Variants in PRRT1 observed in about 807,000 individuals in gnomAD.
The protein encoded by PRRT1 is proline rich transmembrane protein 1.
PRRT1 carries 8 observed loss-of-function variants against 22.6 expected under a neutral mutation model. The observed-to-expected ratio is 0.35, with a 90% CI of 0.21 to 0.64. The LOEUF (loss-of-function observed/expected upper bound fraction) is 0.64. Ranked by LOEUF, PRRT1 falls within the 30% of genes least tolerant of loss-of-function variation. The probability of loss-of-function intolerance (pLI) is 0.69; values close to 1 mark genes in which losing one functional copy is unlikely to be tolerated. For missense variants in PRRT1, 315 were observed against 444.5 expected (o/e 0.71, Z 2.62); for synonymous variants, 176 against 203.6 (o/e 0.86, Z 1.15).
Position 32,149,216 on chromosome 6 carries a change from G to A in PRRT1, c.*6C>T. The A allele has an allele frequency of 6.2e-7, 1 of 1,611,312 alleles. No homozygotes were observed. The highest frequency in any genetic ancestry group is 1.1e-5 in the South Asian group (1 of 90,304). On this transcript the variant is annotated 3_prime_UTR_variant, in exon 4 of 4. Coordinates refer to ENST00000211413, the MANE Select transcript of PRRT1 (RefSeq NM_030651.4). The surrounding 1 kb of genome is among the most constrained non-coding windows in gnomAD (Gnocchi z 8.7). Reference sequence around the variant, plus strand: ...GGCGCAGAGTGGGGCCGGACCAGGGGCGTTTTTAGGGATCCCAGTAGTTCT... The same window carrying A: ...GGCGCAGAGTGGGGCCGGACCAGGGACGTTTTTAGGGATCCCAGTAGTTCT...
intron 1 of PRRT1, chr6:32,151,333 G>A: frequency 2.3e-6 from 1 of 430,646 alleles, no homozygotes; most frequent in Non-Finnish European, 4.3e-6. Context: ...GGGATGACAT[G>A]TGTTCCACTC....
At position 32,149,848 on chromosome 6, in the gene PRRT1, C is replaced by T; in HGVS notation, c.559-126G>A. ...CCTATGGCTTCTCAAAATAAAGCAC[C>T]CATTACCCTTCCAGGACACCCATAA... On this transcript the variant is annotated intron_variant, in intron 2 of 3. Transcript: ENST00000211413. This position sits in a 1 kb window ranked among gnomAD's most constrained non-coding sequence, Gnocchi z 8.7. 1 of 625,858 alleles carries T rather than the reference C, an allele frequency of 1.6e-6. No individual in the cohort carries two copies. Among genetic ancestry groups the T allele is most frequent in the South Asian group, 2.0e-5 (1 of 50,604 alleles). 38.8% of individuals were successfully genotyped at this position (625,858 alleles called of 1,614,324 possible). A position where few individuals can be genotyped will look rare whatever the true frequency, so the allele number is the denominator to read the frequency against.
upstream of PRRT1, chr6:32,151,964 C>CGGGG (rs1302224881): frequency 9.3e-6 from 1 of 107,884 alleles, no homozygotes; most frequent in South Asian, 4.8e-5. Context: ...GGGGGGGGGG[C>CGGGG]GGGGGGGGCG....
intron 1 of PRRT1, 173 bp from the exon 2 acceptor site, chr6:32,151,079 A>G (rs911392951): frequency 2.8e-6 from 2 of 714,414 alleles, no homozygotes; most frequent in Non-Finnish European, 5.0e-6. Flanking sequence ...GAGGGGCTGT[A>G]TCTAGGCCAT....
In PRRT1 at chr6:32,149,791, C is replaced by T; in HGVS notation, c.559-69G>A. On this transcript the variant is annotated intron_variant, in intron 2 of 3. Coordinates refer to ENST00000211413, the MANE Select transcript of PRRT1 (RefSeq NM_030651.4). This position sits in a 1 kb window ranked among gnomAD's most constrained non-coding sequence, Gnocchi z 8.7. ...CTCCCAGCCTACCAGCGTTGGGCGG[C>T]TGGCAGAGTGGCTTTAAAAGCACAA... The T allele has an allele frequency of 9.3e-7, 1 of 1,071,796 alleles. No individual in the cohort carries two copies. Among genetic ancestry groups the T allele is most frequent in the Non-Finnish European group, 1.3e-6 (1 of 762,410 alleles). The allele number at this position is 1,071,796 out of a possible 1,614,324, so 66.4% of individuals were successfully genotyped here. A position where few individuals can be genotyped will look rare whatever the true frequency, so the allele number is the denominator to read the frequency against.
In PRRT1 at chr6:32,150,485, C is replaced by T. The variant is rs778582868; in HGVS notation, c.441G>A (p.Val147=). ...CCACAGTCCCCGCGTGCGTGGGCAC[C>T]ACGAAGCCAGGGGCCTGGGCAGTCT... ...PAQTAQAPGF[V]VPTHAGTVGT... The change falls in exon 2 of 4, where the codon GTG becomes GTA. Residue 147 remains valine, a synonymous_variant. Coordinates refer to ENST00000211413, the MANE Select transcript of PRRT1 (RefSeq NM_030651.4). The surrounding 1 kb of genome is among the most constrained non-coding windows in gnomAD (Gnocchi z 7.2). The T allele has an allele frequency of 9.4e-6, 14 of 1,482,288 alleles. 1 individual carries two copies. In the East Asian group the frequency reaches 2.8e-4, roughly 29 times the overall value. The allele number at this position is 1,482,288 out of a possible 1,614,324, so 91.8% of individuals were successfully genotyped here. A position where few individuals can be genotyped will look rare whatever the true frequency, so the allele number is the denominator to read the frequency against.
At chr6:32,151,969 G>A, upstream of PRRT1, 1 of 292,500 alleles carries the variant, frequency 3.4e-6, no homozygotes, top group Non-Finnish European at 6.8e-6. Flanking sequence ...GGGGGCGGGG[G>A]GGGCGGGCGG....
upstream of PRRT1, chr6:32,151,963 G>A: frequency 1.1e-5 from 3 of 278,492 alleles, no homozygotes; most frequent in South Asian, 2.5e-5. Context: ...GGGGGGGGGG[G>A]CGGGGGGGGC....
At position 32,150,311 on chromosome 6, in the gene PRRT1, T is replaced by G; in HGVS notation, c.558+57A>C. ...TACCAGCCCCCAGCGTATCCCCAAT[T>G]TCAAGTCCTGTATCGCGTCCCCCTC... is the stretch of plus-strand genomic sequence containing the variant. On this transcript the variant is annotated intron_variant, in intron 2 of 3. Transcript: ENST00000211413. The surrounding 1 kb of genome is among the most constrained non-coding windows in gnomAD (Gnocchi z 7.2). The G allele has an allele frequency of 2.0e-6, 3 of 1,527,586 alleles. No homozygotes were observed. Among genetic ancestry groups the G allele is most frequent in the Non-Finnish European group, 2.6e-6 (3 of 1,149,008 alleles). 94.6% of individuals were successfully genotyped at this position (1,527,586 alleles called of 1,614,324 possible). A position where few individuals can be genotyped will look rare whatever the true frequency, so the allele number is the denominator to read the frequency against.
Position 32,149,124 on chromosome 6 carries a change from G to T in PRRT1, c.*98C>A. On this transcript the variant is annotated 3_prime_UTR_variant, in exon 4 of 4. Transcript: ENST00000211413. The surrounding 1 kb of genome is among the most constrained non-coding windows in gnomAD (Gnocchi z 8.7). Reference sequence around the variant, plus strand: ...GATGTATCCAAGTCTGACGGCCCCAGAAACGGGTGTGCAGGGCGCCCATTG... The same window carrying T: ...GATGTATCCAAGTCTGACGGCCCCATAAACGGGTGTGCAGGGCGCCCATTG... 1 of 1,280,374 alleles carries T rather than the reference G, an allele frequency of 7.8e-7. No homozygotes were observed. The highest frequency in any genetic ancestry group is 1.1e-6 in the Non-Finnish European group (1 of 893,410). 79.3% of individuals were successfully genotyped at this position (1,280,374 alleles called of 1,614,324 possible).
chr6:32,151,713 C>T (rs1302778222), intron 1 of PRRT1, 96 bp downstream of exon 1: 2 of 727,926 alleles, frequency 2.7e-6, no homozygotes, highest in Non-Finnish European at 4.8e-6. Context: ...TGAAATAGAA[C>T]CACAGCTGAG....
In PRRT1 at chr6:32,150,280, C is replaced by A; in HGVS notation, c.558+88G>T. The A allele has an allele frequency of 6.8e-7, 1 of 1,463,440 alleles. No homozygotes were observed. The highest frequency in any genetic ancestry group is 9.0e-7 in the Non-Finnish European group (1 of 1,112,198). 90.7% of individuals were successfully genotyped at this position (1,463,440 alleles called of 1,614,324 possible). A position where few individuals can be genotyped will look rare whatever the true frequency, so the allele number is the denominator to read the frequency against. On this transcript the variant is annotated intron_variant, in intron 2 of 3. Coordinates refer to ENST00000211413, the MANE Select transcript of PRRT1 (RefSeq NM_030651.4). The surrounding 1 kb of genome is among the most constrained non-coding windows in gnomAD (Gnocchi z 7.2). ...CTACCTGTTCCCTGCCCTTGTTCCT[C>A]TATCCTACCAGCCCCCAGCGTATCC... is the stretch of plus-strand genomic sequence containing the variant.
Position 32,149,958 on chromosome 6 carries a change from G to T in PRRT1, c.559-236C>A, listed in dbSNP as rs866411019. On this transcript the variant is annotated intron_variant, in intron 2 of 3. Transcript: ENST00000211413. The surrounding 1 kb of genome is among the most constrained non-coding windows in gnomAD (Gnocchi z 8.7). Reference sequence around the variant, plus strand: ...TTCTACATTCTCTCCCGCAAGGTATGGTCCCACTGGGGCTGTCCTGGCCTC... The same window carrying T: ...TTCTACATTCTCTCCCGCAAGGTATTGTCCCACTGGGGCTGTCCTGGCCTC... 43 of 557,148 alleles carry T rather than the reference G, an allele frequency of 7.7e-5. No homozygotes were observed. The Middle Eastern group carries it at 2.8e-3, about 36-fold the overall frequency. 34.5% of individuals were successfully genotyped at this position (557,148 alleles called of 1,614,324 possible).
rs746454939 is a variant in PRRT1, at chr6:32,149,437, C to T, written c.745-39G>A. On this transcript the variant is annotated intron_variant, in intron 3 of 3. Coordinates refer to ENST00000211413, the MANE Select transcript of PRRT1 (RefSeq NM_030651.4). This position sits in a 1 kb window ranked among gnomAD's most constrained non-coding sequence, Gnocchi z 8.7. ...GTGGGGGAAGGAGGTCAAAGAGCTG[C>T]GGCCTCGTTCGAACGCCTCAGCCTT... 7 of 1,591,552 alleles carry T rather than the reference C, an allele frequency of 4.4e-6. No homozygotes were observed. In the African/African-American group the frequency reaches 5.4e-5, roughly 12 times the overall value.
chr6:32,149,389 C>T lies in PRRT1; in HGVS notation c.754G>A (p.Ala252Thr). ...AIFKAVQVRT[A>T]LARGDMVSAE... Reference sequence around the variant, plus strand: ...GACACCATGTCTCCGCGGGCCAAGGCCGTGCGCACCTACGGAGGAGGGGTG... The same window carrying T: ...GACACCATGTCTCCGCGGGCCAAGGTCGTGCGCACCTACGGAGGAGGGGTG... Residue 252 changes from alanine (A) to threonine (T), a missense_variant, in exon 4 of 4, where the codon GCC becomes ACC. Physicochemically the swap from Ala to Thr is moderately conservative, Grantham distance 58. Around this residue, in one of 4 missense-constraint regions of PRRT1, gnomAD observed 25 missense variants for 47.8 expected, o/e 0.52. Transcript: ENST00000211413. The surrounding 1 kb of genome is among the most constrained non-coding windows in gnomAD (Gnocchi z 8.7). 1 of 1,599,666 alleles carries T rather than the reference C, an allele frequency of 6.3e-7. No individual in the cohort carries two copies. The highest frequency in any genetic ancestry group is 8.5e-7 in the Non-Finnish European group (1 of 1,170,130).
In PRRT1 at chr6:32,150,976, G is replaced by A. The variant is rs760860698; in HGVS notation, c.20-70C>T. On this transcript the variant is annotated intron_variant, in intron 1 of 3. Coordinates refer to ENST00000211413, the MANE Select transcript of PRRT1 (RefSeq NM_030651.4). The surrounding 1 kb of genome is among the most constrained non-coding windows in gnomAD (Gnocchi z 7.2). ...AGTGATGAGTTGAGGAGGGGGTAAG[G>A]GGAAACACAGCCGGTCAGGGATGGA... 59 of 1,240,936 alleles carry A rather than the reference G, an allele frequency of 4.8e-5. No homozygotes were observed. Among genetic ancestry groups the A allele is most frequent in the South Asian group, 4.3e-4 (34 of 78,436 alleles). 76.9% of individuals were successfully genotyped at this position (1,240,936 alleles called of 1,614,324 possible).
At position 32,149,515 on chromosome 6, in the gene PRRT1, C is replaced by T. The variant is rs764742077; in HGVS notation, c.744+22G>A. ...GAACTCCCTGTCCCCGCCCCCAAAC[C>T]GAGTATGCCCCTGCCCCCTACCTGC... On this transcript the variant is annotated intron_variant, in intron 3 of 3. Transcript: ENST00000211413. This position sits in a 1 kb window ranked among gnomAD's most constrained non-coding sequence, Gnocchi z 8.7. 6 of 1,612,636 alleles carry T rather than the reference C, an allele frequency of 3.7e-6. No individual in the cohort carries two copies. The highest frequency in any genetic ancestry group is 4.2e-6 in the Non-Finnish European group (5 of 1,179,792).
At position 32,150,358 on chromosome 6, in the gene PRRT1, C is replaced by T. The variant is rs1455893027; in HGVS notation, c.558+10G>A. 7 of 1,553,962 alleles carry T rather than the reference C, an allele frequency of 4.5e-6. No individual in the cohort carries two copies. The highest frequency in any genetic ancestry group is 2.9e-5 in the African/African-American group (2 of 69,902). ...CCTCTTTCCCATGTCCCTGTCTGCC[C>T]GGCACTCACCGTGCCCACCGGGTAG... On this transcript the variant is annotated intron_variant, in intron 2 of 3. Transcript: ENST00000211413. The surrounding 1 kb of genome is among the most constrained non-coding windows in gnomAD (Gnocchi z 7.2).
rs1783234662 is a variant in PRRT1 at position 32,150,939 on chromosome 6, G to C, written c.20-33C>G. 6.5e-7 allele frequency: 1 copy of C among 1,528,460 alleles called. No homozygotes were observed. The highest frequency in any genetic ancestry group is 2.0e-5 in the Admixed American group (1 of 51,074). 94.7% of individuals were successfully genotyped at this position (1,528,460 alleles called of 1,614,324 possible). ...AGGTGAGTGGAGGAGAGTATAAGAG[G>C]AAAGATGACACAGTGATGAGTTGAG... On this transcript the variant is annotated intron_variant, in intron 1 of 3. Transcript: ENST00000211413. The surrounding 1 kb of genome is among the most constrained non-coding windows in gnomAD (Gnocchi z 7.2).
Sources: allele counts gnomAD v4.1 joint callset, GRCh38; gene constraint gnomAD v4.1.1; regional missense constraint gnomAD v4.1.1; non-coding constraint Gnocchi (gnomAD v3.1); transcripts MANE v1.5; gene names NCBI Gene and HGNC (gene_info 2026-07-23, HGNC 2026-07-21).